The following UBR3 variants were observed in gnomAD, a reference collection of about 807,000 sequenced individuals.
UBR3 encodes ubiquitin protein ligase E3 component n-recognin 3.
UBR3 carries 85 observed loss-of-function variants against 243.2 expected under a neutral mutation model. The ratio of observed to expected loss-of-function variants is 0.35; its 90% CI spans 0.29 to 0.42. The LOEUF is 0.42. Ranked by LOEUF, UBR3 falls within the 10% of genes least tolerant of loss-of-function variation. UBR3 has a pLI of 1.00. For synonymous variants in UBR3, 748 were observed against 799.8 expected (o/e 0.94, Z 1.09); for missense variants, 1,686 against 2,300.8 (o/e 0.73, Z 5.47).
chr2:169,914,960 C>T (rs946203760), intron 11 of UBR3, among the ~76,000 whole-genome samples: 3 of 151,780 alleles, frequency 2.0e-5, no homozygotes, highest in Admixed American at 6.6e-5. Flanking sequence ...TATTCTTGAA[C>T]GATTTGAGAG....
At chr2:170,076,875 A>AG (rs1274494737) in intron 36 of UBR3, among the ~76,000 whole-genome samples, 1 of 152,160 alleles carries the variant, frequency 6.6e-6, no homozygotes, top group African/African-American at 2.4e-5. Flanking sequence ...GGGTGGTGGT[A>AG]GGGGTTTTTA....
At chr2:169,829,875 G>A (rs1178749830) in intron 1 of UBR3, among the ~76,000 whole-genome samples, 1 of 150,482 alleles carries the variant, frequency 6.6e-6, no homozygotes, top group Non-Finnish European at 1.5e-5. Flanking sequence ...CTCACATCTA[G>A]TCTTCTATCT....
chr2:169,987,279 G>C (rs1272804253), intron 25 of UBR3, among the ~76,000 whole-genome samples: 1 of 151,514 alleles, frequency 6.6e-6, no homozygotes, highest in African/African-American at 2.4e-5. Context: ...TGTAATCCCA[G>C]CTATTTGGGA....
At position 170,080,556 on chromosome 2, in the gene UBR3, C is replaced by T. The variant is rs1559243984; in HGVS notation, c.5421C>T (p.Asn1807=). The T allele has an allele frequency of 6.2e-7, 1 of 1,611,726 alleles. No individual in the cohort carries two copies. The highest frequency in any genetic ancestry group is 8.5e-7 in the Non-Finnish European group (1 of 1,178,908). The part of the protein sequence containing the change: ...SYCECVLHSQ[N]CGAGTGIFLL... The stretch of plus-strand genomic sequence containing the variant: ...TTTTAATTTTTTAGCACTCTCAGAA[C>T]TGTGGTGCAGGAACAGGTATTTTCC... The change falls in exon 38 of 39, where the codon AAC becomes AAT. Residue 1807 remains asparagine, a synonymous_variant. Transcript: ENST00000272793.
intron 8 of UBR3, among the ~76,000 whole-genome samples, chr2:169,899,732 T>C (rs569876358): frequency 6.6e-6 from 1 of 152,174 alleles, no homozygotes; most frequent in African/African-American, 2.4e-5. Flanking sequence ...CTCCCACTTA[T>C]GAGTGAAAAC....
chr2:169,968,612 T>G (rs1559142599), intron 24 of UBR3, among the ~76,000 whole-genome samples: 2 of 152,178 alleles, frequency 1.3e-5, no homozygotes, highest in Non-Finnish European at 2.9e-5. Flanking sequence ...TGATAGAAAC[T>G]TAGGGTGCTG....
chr2:169,827,975 A>G lies in UBR3; in HGVS notation c.468A>G (p.Gly156=). Residue 156 remains glycine, a synonymous_variant, in exon 1 of 39, where the codon GGA becomes GGG. Transcript: ENST00000272793. ...GCTTCCACCAGGGCGACCACACCGG[A>G]CACGACTTCAACATGTTCCGCAGCC... The part of the protein sequence containing the change: ...AECFHQGDHT[G]HDFNMFRSQA... 1 of 1,461,100 alleles carries G rather than the reference A, an allele frequency of 6.8e-7. No homozygotes were observed. The highest frequency in any genetic ancestry group is 9.1e-7 in the Non-Finnish European group (1 of 1,103,494). 90.5% of individuals were successfully genotyped at this position (1,461,100 alleles called of 1,614,324 possible).
chr2:169,900,818 A>T, intron 8 of UBR3, among the ~76,000 whole-genome samples: 1 of 149,514 alleles, frequency 6.7e-6, no homozygotes, highest in Admixed American at 6.7e-5. Flanking sequence ...TTTAATGTTC[A>T]CTCCCATTGT....
chr2:169,853,347 A>G (rs967174584), intron 1 of UBR3, among the ~76,000 whole-genome samples: 1 of 152,230 alleles, frequency 6.6e-6, no homozygotes, highest in Non-Finnish European at 1.5e-5. Context: ...TTGTCAGGCA[A>G]TTAGAAAGAT....
At chr2:169,895,723 A>G (rs2084558985) in intron 7 of UBR3, among the ~76,000 whole-genome samples, 3 of 152,224 alleles carry the variant, frequency 2.0e-5, no homozygotes. Context: ...CATGGGTTGA[A>G]AAGTTGCTGG....
chr2:169,904,791 T>A (rs1283739994), intron 8 of UBR3, among the ~76,000 whole-genome samples: 2 of 152,114 alleles, frequency 1.3e-5, no homozygotes, highest in Non-Finnish European at 2.9e-5. Context: ...ATCAAGAAAA[T>A]AAGGTTTTAT....
At chr2:169,964,329 C>G in intron 24 of UBR3, 1 of 440,622 alleles carries the variant, frequency 2.3e-6, no homozygotes, top group Non-Finnish European at 4.7e-6. Context: ...ATTTTAAGAA[C>G]TAAGAGAAAA....
chr2:169,998,933 A>T (rs1160302545), intron 26 of UBR3, among the ~76,000 whole-genome samples: 3 of 152,152 alleles, frequency 2.0e-5, no homozygotes, highest in Non-Finnish European at 4.4e-5. Context: ...CAGCTTCTTT[A>T]TGAGGTTTTA....
At chr2:170,053,978 A>C (rs993960169) in intron 32 of UBR3, among the ~76,000 whole-genome samples, 14 of 152,188 alleles carry the variant, frequency 9.2e-5, no homozygotes. Context: ...TGAATGAGAC[A>C]CTTGAAGAAA....
chr2:169,946,599 C>T (rs2086799032), intron 21 of UBR3, among the ~76,000 whole-genome samples: 2 of 151,992 alleles, frequency 1.3e-5, no homozygotes, highest in Admixed American at 6.6e-5. Context: ...CCTTTGGGAT[C>T]TTCAAATACG....
intron 11 of UBR3, among the ~76,000 whole-genome samples, chr2:169,923,148 T>G (rs2085770569): frequency 6.6e-6 from 1 of 152,208 alleles, no homozygotes; most frequent in Non-Finnish European, 1.5e-5. Context: ...TTTTGTAATA[T>G]TTACAGGAAT....
chr2:169,961,732 C>G (rs1475596953), intron 24 of UBR3, among the ~76,000 whole-genome samples: 1 of 152,070 alleles, frequency 6.6e-6, no homozygotes, highest in Non-Finnish European at 1.5e-5. Context: ...TTTCCTGTGA[C>G]ACATTTGTGA....
chr2:169,939,690 A>C (rs2086504038), intron 19 of UBR3, among the ~76,000 whole-genome samples: 1 of 151,838 alleles, frequency 6.6e-6, no homozygotes, highest in Non-Finnish European at 1.5e-5. Flanking sequence ...CAGCCTCCTG[A>C]GTAGCTGGGA....
intron 1 of UBR3, among the ~76,000 whole-genome samples, chr2:169,836,043 C>CTCTA (rs2082090452): frequency 1.2e-4 from 1 of 8,052 alleles, no homozygotes; most frequent in Non-Finnish European, 2.1e-4. Flanking sequence ...CTCTCTCTCT[C>CTCTA]TATATATATA....
Sources: allele counts gnomAD v4.1 joint callset (sites outside exome capture counted in the v4.1 genomes callset), GRCh38; gene constraint gnomAD v4.1.1; transcripts MANE v1.5; gene names NCBI Gene and HGNC (gene_info 2026-07-23, HGNC 2026-07-21).